The following SNX9 variants were observed in gnomAD, a reference collection of about 807,000 sequenced individuals.
The protein encoded by SNX9 is sorting nexin-9.
In SNX9, 44 loss-of-function variants were observed where a neutral mutation model predicts 89.4. That is an observed-to-expected ratio of 0.49 (90% confidence interval 0.39 to 0.63). The LOEUF (loss-of-function observed/expected upper bound fraction) is 0.63, where lower values mean the gene tolerates loss of function less well. Ranked by LOEUF, SNX9 falls within the 30% of genes least tolerant of loss-of-function variation. SNX9 has a pLI of 0.00. For synonymous variants in SNX9, 236 were observed against 247.8 expected, an observed-to-expected ratio of 0.95 and a Z score of 0.45; for missense variants, 578 against 736.1, an observed-to-expected ratio of 0.79 and a Z score of 2.49.
intron 11 of SNX9, among the ~76,000 whole-genome samples, chr6:157,927,920 A>G (rs1783729315): frequency 6.9e-6 from 1 of 145,514 alleles, no homozygotes; most frequent in African/African-American, 2.6e-5. Context: ...TACCAAAAGT[A>G]TAGACAAGTA....
intron 4 of SNX9, among the ~76,000 whole-genome samples, chr6:157,881,911 C>G (rs1782633620): frequency 6.6e-6 from 1 of 152,174 alleles, no homozygotes; most frequent in Non-Finnish European, 1.5e-5. Flanking sequence ...GCTGTGGAAG[C>G]TGCAATACAT....
At chr6:157,931,138 A>G (rs530347135) in intron 12 of SNX9, among the ~76,000 whole-genome samples, 1 of 152,340 alleles carries the variant, frequency 6.6e-6, no homozygotes, top group South Asian at 2.1e-4. Context: ...TGTTTCTCAA[A>G]GTAGTTCTTT....
At chr6:157,934,768 C>T (rs1267591618) in intron 13 of SNX9, among the ~76,000 whole-genome samples, 1 of 152,098 alleles carries the variant, frequency 6.6e-6, no homozygotes, top group African/African-American at 2.4e-5. Context: ...GCTTTGGAAA[C>T]AGTGTGAACT....
At chr6:157,892,515 A>G (rs1252340650) in intron 4 of SNX9, among the ~76,000 whole-genome samples, 1 of 152,186 alleles carries the variant, frequency 6.6e-6, no homozygotes, top group Non-Finnish European at 1.5e-5. Flanking sequence ...AACAAACATA[A>G]CCACAAAGAT....
chr6:157,827,000 CATATATATTATA>C (rs1781376688), intron 1 of SNX9, among the ~76,000 whole-genome samples: 1 of 27,230 alleles, frequency 3.7e-5, no homozygotes, highest in Non-Finnish European at 5.2e-5. Context: ...ATAATATATA[CATATATATTATA>C]GTTTATATAA....
Position 157,823,427 on chromosome 6 carries a change from CG to C in SNX9, c.-7del. The stretch of plus-strand genomic sequence containing the variant: ...GCCGGCCGTCCCGGGCCGGGGGACC[CG>C]CCCGCCATGGCCACCAAGGTGAGGG... On this transcript the variant is annotated 5_prime_UTR_variant, in exon 1 of 18. Coordinates refer to ENST00000392185, the MANE Select transcript of SNX9 (RefSeq NM_016224.5). This position sits in a 1 kb window ranked among gnomAD's most constrained non-coding sequence, Gnocchi z 4.6. 1 of 1,247,320 alleles carries C rather than the reference CG, an allele frequency of 8.0e-7. No individual in the cohort carries two copies. Among genetic ancestry groups the C allele is most frequent in the Non-Finnish European group, 1.0e-6 (1 of 995,614 alleles). The allele number at this position is 1,247,320 out of a possible 1,614,324, so 77.3% of individuals were successfully genotyped here.
chr6:157,827,177 ATATAT>A (rs1171359086), intron 1 of SNX9, among the ~76,000 whole-genome samples: 1 of 26,238 alleles, frequency 3.8e-5, no homozygotes, highest in South Asian at 2.3e-3. Context: ...ATATATAAAC[ATATAT>A]TATAGTTTAT....
At chr6:157,919,372 A>G (rs1000225708) in intron 9 of SNX9, among the ~76,000 whole-genome samples, 1 of 151,986 alleles carries the variant, frequency 6.6e-6, no homozygotes, top group Admixed American at 6.5e-5. Context: ...GATGTATTCT[A>G]ATATTTTACG....
In SNX9 at chr6:157,906,172, C is replaced by A; in HGVS notation, c.665C>A (p.Ala222Asp). ...CCTGGCACGGAACAGTATTTGTTGG[C>A]CAAACAACTAGCAAAACCCAAAGAG... ...AKPGTEQYLL[A>D]KQLAKPKEKI... Residue 222 changes from alanine (A) to aspartate (D), a missense_variant, in exon 7 of 18, where the codon GCC (alanine) becomes GAC (aspartate). Physicochemically the swap from Ala to Asp is moderately radical, Grantham distance 126. Coordinates refer to ENST00000392185, the MANE Select transcript of SNX9 (RefSeq NM_016224.5). 1 of 1,595,264 alleles carries A rather than the reference C, an allele frequency of 6.3e-7. No individual in the cohort carries two copies. Among genetic ancestry groups the A allele is most frequent in the Non-Finnish European group, 8.5e-7 (1 of 1,175,280 alleles).
At chr6:157,888,654 A>G (rs1448525380) in intron 4 of SNX9, among the ~76,000 whole-genome samples, 1 of 152,134 alleles carries the variant, frequency 6.6e-6, no homozygotes, top group Non-Finnish European at 1.5e-5. Flanking sequence ...CTTCTTCCAT[A>G]TATAAGGTAA....
chr6:157,870,807 C>T (rs1782390855), intron 2 of SNX9, among the ~76,000 whole-genome samples: 1 of 151,648 alleles, frequency 6.6e-6, no homozygotes, highest in African/African-American at 2.4e-5. Context: ...GCACACACAC[C>T]CCTCAGACAC....
At chr6:157,860,540 T>C (rs777845718) in intron 1 of SNX9, among the ~76,000 whole-genome samples, 4 of 152,256 alleles carry the variant, frequency 2.6e-5, no homozygotes, top group Non-Finnish European at 5.9e-5. Flanking sequence ...TGATGGTACA[T>C]GTGATATGGC....
chr6:157,890,017 T>C (rs1264974046), intron 4 of SNX9, among the ~76,000 whole-genome samples: 1 of 152,200 alleles, frequency 6.6e-6, no homozygotes, highest in Non-Finnish European at 1.5e-5. Flanking sequence ...ACACAGCTAG[T>C]GGTAAGTGAT....
chr6:157,939,433 A>T (rs1015936768), intron 16 of SNX9, among the ~76,000 whole-genome samples: 1 of 152,214 alleles, frequency 6.6e-6, no homozygotes, highest in Non-Finnish European at 1.5e-5. Flanking sequence ...GAGTAAAAAA[A>T]AATCAATCCT....
At chr6:157,875,271 C>T (rs138006655) in intron 4 of SNX9, 95 bp downstream of exon 4, 2 of 1,432,690 alleles carry the variant, frequency 1.4e-6, no homozygotes, top group African/African-American at 2.9e-5. Context: ...ATTGCCATTC[C>T]CCAAAAGCAA....
At chr6:157,884,864 C>CT (rs1054824206) in intron 4 of SNX9, among the ~76,000 whole-genome samples, 136 of 151,372 alleles carry the variant, frequency 9.0e-4, no homozygotes, top group African/African-American at 2.8e-3. Context: ...AAAGCAAAGT[C>CT]TTTTTTTTTA....
chr6:157,894,110 T>C lies in SNX9; in HGVS notation c.301-2717T>C, dbSNP rs903963130. 1.0e-4 allele frequency among the ~76,000 whole-genome samples: 12 copies of C among 118,636 alleles called. 1 individual carries two copies. Among genetic ancestry groups the C allele is most frequent in the African/African-American group, 4.0e-4 (12 of 29,990 alleles). 77.8% of individuals were successfully genotyped at this position (118,636 alleles called of 152,430 possible). A position where few individuals can be genotyped will look rare whatever the true frequency, so the allele number is the denominator to read the frequency against. On this transcript the variant is annotated intron_variant, in intron 4 of 17. Coordinates refer to ENST00000392185, the MANE Select transcript of SNX9 (RefSeq NM_016224.5). ...TTTTCTTTTCGCTTTTCTTTTCTTT[T>C]TTTTTTTTTTTTTTTTTGAGACAGA...
intron 10 of SNX9, among the ~76,000 whole-genome samples, chr6:157,926,193 ATTACCGG>A (rs1783688246): frequency 6.6e-6 from 1 of 152,166 alleles, no homozygotes; most frequent in Admixed American, 6.5e-5. Flanking sequence ...TAAGAGAGAG[ATTACCGG>A]TTACCTTTGT....
intron 2 of SNX9, among the ~76,000 whole-genome samples, chr6:157,870,846 T>G (rs1161525043): frequency 1.4e-5 from 2 of 143,456 alleles, no homozygotes; most frequent in African/African-American, 5.4e-5. Context: ...ATACCCACAC[T>G]CTCCTGCTCT....
Sources: gnomAD v4.1 joint callset for allele counts (sites outside exome capture counted in the v4.1 genomes callset) on GRCh38, gnomAD v4.1.1 for gene constraint, Gnocchi (gnomAD v3.1) non-coding constraint, MANE v1.5 for transcripts, NCBI Gene and HGNC (gene_info 2026-07-23, HGNC 2026-07-21) for gene names.